SAMMSON: variants seen among roughly 807,000 people sequenced by gnomAD.
SAMMSON encodes the protein long intergenic non-protein coding RNA 1212.
In SAMMSON at chr3:70,173,242, A is replaced by AT. The variant is rs1221544799; in HGVS notation, n.508-75860dup. 8.6e-5 allele frequency among the ~76,000 whole-genome samples: 13 copies of AT among 151,944 alleles called. No homozygotes were observed. In the South Asian group the frequency reaches 2.7e-3, roughly 32 times the overall value. On this transcript the variant is annotated intron_variant and non_coding_transcript_variant, in intron 4 of 9. Transcript: ENST00000642114. ...AGGTAACTGTTTCCTCAAACCATTT[A>AT]TTTTTCAGCAGACTATTTTACCTTT... is the stretch of plus-strand genomic sequence containing the variant.
chr3:70,334,298 A>T (rs1208357065), intron 7 of SAMMSON, among the ~76,000 whole-genome samples: 1 of 149,324 alleles, frequency 6.7e-6, no homozygotes, highest in East Asian at 2.0e-4. Context: ...GAGAAAATTT[A>T]AAATATGGAT....
At chr3:70,098,695 A>C (rs1244272950) in intron 4 of SAMMSON, among the ~76,000 whole-genome samples, 1 of 152,112 alleles carries the variant, frequency 6.6e-6, no homozygotes, top group South Asian at 2.1e-4. Context: ...TTTTACTTTG[A>C]AGTATAAAGT....
intron 4 of SAMMSON, among the ~76,000 whole-genome samples, chr3:70,092,781 G>A (rs1367126366): frequency 2.0e-5 from 3 of 151,942 alleles, no homozygotes; most frequent in Non-Finnish European, 4.4e-5. Flanking sequence ...ATGTACTTTT[G>A]TGTATAGATG....
At chr3:70,245,686 T>C (rs1244355629) in intron 4 of SAMMSON, among the ~76,000 whole-genome samples, 1 of 130,556 alleles carries the variant, frequency 7.7e-6, no homozygotes, top group East Asian at 2.3e-4. Context: ...TATATATATA[T>C]ATATATATAT....
intron 7 of SAMMSON, chr3:70,312,717 C>T (rs537703414): frequency 2.6e-5 from 4 of 151,308 alleles, no homozygotes; most frequent in Admixed American, 2.6e-4. Flanking sequence ...CCAGAAGCAT[C>T]TAACTTGCGG....
intron 6 of SAMMSON, among the ~76,000 whole-genome samples, chr3:70,252,323 A>G (rs905075512): frequency 2.6e-5 from 4 of 152,168 alleles, no homozygotes; most frequent in African/African-American, 9.7e-5. Context: ...GTGGCGTACA[A>G]TTCTCCCATA....
chr3:70,232,489 T>A (rs1243980736), intron 4 of SAMMSON, among the ~76,000 whole-genome samples: 1 of 151,708 alleles, frequency 6.6e-6, no homozygotes, highest in Non-Finnish European at 1.5e-5. Flanking sequence ...AACCTCCGAC[T>A]CCCGGGTTCA....
intron 4 of SAMMSON, among the ~76,000 whole-genome samples, chr3:70,215,798 A>T (rs1413257676): frequency 6.6e-6 from 1 of 152,132 alleles, no homozygotes; most frequent in Non-Finnish European, 1.5e-5. Context: ...CCAACTGATG[A>T]ACTGACAGAC....
intron 4 of SAMMSON, among the ~76,000 whole-genome samples, chr3:70,099,467 A>T (rs776792218): frequency 6.6e-6 from 1 of 152,182 alleles, no homozygotes; most frequent in Admixed American, 6.5e-5. Flanking sequence ...ACAGCTAAAT[A>T]TCTTCTAAAA....
chr3:70,107,205 G>T (rs1046266254), intron 4 of SAMMSON, among the ~76,000 whole-genome samples: 2 of 152,190 alleles, frequency 1.3e-5, no homozygotes, highest in African/African-American at 4.8e-5. Context: ...CGGAGGGAAA[G>T]CTCATTTGAT....
chr3:70,208,930 T>C (rs1300760823), intron 4 of SAMMSON, among the ~76,000 whole-genome samples: 1 of 152,038 alleles, frequency 6.6e-6, no homozygotes, highest in Admixed American at 6.6e-5. Context: ...GAAATAGGGA[T>C]TCAAGAAAAC....
intron 3 of SAMMSON, among the ~76,000 whole-genome samples, chr3:70,049,718 A>G (rs926187935): frequency 1.3e-5 from 2 of 152,122 alleles, no homozygotes; most frequent in Non-Finnish European, 2.9e-5. Flanking sequence ...AAACAACATG[A>G]CAGGAAATGA....
At chr3:70,086,242 A>T (rs7651561) in intron 4 of SAMMSON, among the ~76,000 whole-genome samples, 1 of 151,982 alleles carries the variant, frequency 6.6e-6, no homozygotes, top group African/African-American at 2.4e-5. Flanking sequence ...ATCACCAGGG[A>T]GTTATACCTG....
intron 1 of SAMMSON, among the ~76,000 whole-genome samples, chr3:70,006,388 A>G (rs1372046713): frequency 6.6e-6 from 1 of 152,178 alleles, no homozygotes; most frequent in Non-Finnish European, 1.5e-5. Context: ...CCCTTCCCTC[A>G]TGGCGTTCTG....
chr3:70,275,436 G>A (rs908110177), intron 6 of SAMMSON, among the ~76,000 whole-genome samples: 6 of 152,146 alleles, frequency 3.9e-5, no homozygotes, highest in Non-Finnish European at 8.8e-5. Context: ...GATTGCTTGA[G>A]CCCAGGAGGT....
chr3:70,267,143 T>C (rs182940958), intron 6 of SAMMSON, among the ~76,000 whole-genome samples: 133 of 152,284 alleles, frequency 8.7e-4, no homozygotes, highest in South Asian at 2.1e-3. Flanking sequence ...CAAGCTTCTA[T>C]TTTTATAAAT....
intron 4 of SAMMSON, chr3:70,125,213 G>A: frequency 7.0e-7 from 1 of 1,418,572 alleles, no homozygotes; most frequent in Non-Finnish European, 1.0e-6. Context: ...TCCAATGGAA[G>A]CTTGTCCTTT....
At chr3:70,189,949 A>G (rs181067970) in intron 4 of SAMMSON, among the ~76,000 whole-genome samples, 156 of 152,278 alleles carry the variant, frequency 1.0e-3, no homozygotes, top group Middle Eastern at 6.8e-3. Flanking sequence ...GAAAATTTAT[A>G]TGGCCAAGAA....
intron 7 of SAMMSON, among the ~76,000 whole-genome samples, chr3:70,342,023 C>G (rs1575629498): frequency 6.6e-6 from 1 of 152,140 alleles, no homozygotes; most frequent in Non-Finnish European, 1.5e-5. Flanking sequence ...CTTGTACTCT[C>G]AATCCTCAAA....
Sources: allele counts gnomAD v4.1 joint callset (sites outside exome capture counted in the v4.1 genomes callset), GRCh38; gene constraint gnomAD v4.1.1; transcripts MANE v1.5; gene names NCBI Gene and HGNC (gene_info 2026-07-23, HGNC 2026-07-21).